Variants in SH3BGRL2 observed in about 807,000 individuals in gnomAD.
SH3BGRL2 encodes the protein SH3 domain-binding glutamic acid-rich-like protein 2.
A neutral mutation model predicts 14.8 loss-of-function variants in SH3BGRL2; 21 were observed. The observed-to-expected ratio is 1.42, with a 90% CI of 1.01 to 2.05. The LOEUF (loss-of-function observed/expected upper bound fraction) is 2.05. SH3BGRL2 is among the 30% of genes most tolerant of loss of function. SH3BGRL2 has a pLI of 0.00. For missense variants in SH3BGRL2, 147 were observed against 130.8 expected, an observed-to-expected ratio of 1.12 and a Z score of -0.61; for synonymous variants, 50 against 47.8, an observed-to-expected ratio of 1.05 and a Z score of -0.19.
the SH3BGRL2 span, among the ~76,000 whole-genome samples, chr6:79,588,551 A>G: frequency 2.6e-5 from 4 of 152,232 alleles, no homozygotes; most frequent in South Asian, 2.1e-4. Flanking sequence ...CTGCTTCTCA[A>G]TTGCCTTCAG....
intron 1 of SH3BGRL2, among the ~76,000 whole-genome samples, chr6:79,636,506 TGTG>T (rs1768925511): frequency 2.6e-5 from 4 of 151,868 alleles, no homozygotes. Context: ...AAGGAGAGGA[TGTG>T]GTGGTGATGG....
intron 2 of SH3BGRL2, among the ~76,000 whole-genome samples, chr6:79,683,107 T>TG (rs1411076878): frequency 6.6e-6 from 1 of 152,040 alleles, no homozygotes; most frequent in Non-Finnish European, 1.5e-5. Context: ...AAATGATGAG[T>TG]TGATGGGTAC....
At chr6:79,677,798 C>A (rs1428786477) in intron 2 of SH3BGRL2, among the ~76,000 whole-genome samples, 2 of 152,108 alleles carry the variant, frequency 1.3e-5, no homozygotes, top group East Asian at 3.9e-4. Context: ...TTGTTGATTC[C>A]CTGGAGTGGA....
chr6:79,541,199 G>A, the SH3BGRL2 span, among the ~76,000 whole-genome samples: 1 of 152,090 alleles, frequency 6.6e-6, no homozygotes, highest in African/African-American at 2.4e-5. Flanking sequence ...GTTGCAGTGA[G>A]CTGAGATCAC....
chr6:79,657,474 G>A (rs1174758194), intron 1 of SH3BGRL2, among the ~76,000 whole-genome samples: 1 of 152,198 alleles, frequency 6.6e-6, no homozygotes, highest in East Asian at 1.9e-4. Context: ...TGGTGGAGGA[G>A]TTGTAGGGAG....
intron 2 of SH3BGRL2, among the ~76,000 whole-genome samples, chr6:79,674,005 A>G (rs993664550): frequency 6.6e-6 from 1 of 152,020 alleles, no homozygotes; most frequent in African/African-American, 2.4e-5. Context: ...GTTGTGTGGT[A>G]TGTGAATGTA....
chr6:79,542,128 C>T, the SH3BGRL2 span, among the ~76,000 whole-genome samples: 1 of 152,194 alleles, frequency 6.6e-6, no homozygotes, highest in East Asian at 1.9e-4. Flanking sequence ...CCTCTTCTCT[C>T]CAGGACCCAG....
the SH3BGRL2 span, among the ~76,000 whole-genome samples, chr6:79,580,813 G>A: frequency 1.3e-5 from 2 of 152,078 alleles, no homozygotes; most frequent in African/African-American, 2.4e-5. Flanking sequence ...AAGAGACAGA[G>A]ACACAAAAAA....
At chr6:79,662,542 C>T (rs1218764869) in intron 1 of SH3BGRL2, among the ~76,000 whole-genome samples, 2 of 152,116 alleles carry the variant, frequency 1.3e-5, no homozygotes, top group African/African-American at 4.8e-5. Context: ...CTTCCCTTTG[C>T]AGGTAACCCG....
At chr6:79,647,113 C>G (rs1769159666) in intron 1 of SH3BGRL2, among the ~76,000 whole-genome samples, 1 of 152,164 alleles carries the variant, frequency 6.6e-6, no homozygotes, top group Non-Finnish European at 1.5e-5. Flanking sequence ...TGAGGAACTG[C>G]CAAACTGTTT....
chr6:79,579,368 T>C, the SH3BGRL2 span, among the ~76,000 whole-genome samples: 1 of 151,980 alleles, frequency 6.6e-6, no homozygotes, highest in Non-Finnish European at 1.5e-5. Context: ...AAGGTTGAAA[T>C]GAAGGAAAAA....
At chr6:79,546,609 G>C in the SH3BGRL2 span, among the ~76,000 whole-genome samples, 2 of 152,096 alleles carry the variant, frequency 1.3e-5, no homozygotes, top group Non-Finnish European at 1.5e-5. Context: ...AGAGTAGGAA[G>C]TACAAGAAAA....
At chr6:79,616,293 C>T in the SH3BGRL2 span, among the ~76,000 whole-genome samples, 83,424 of 152,040 alleles carry the variant, frequency 0.55, 23,207 homozygotes, top group East Asian at 0.78. Flanking sequence ...CAAGAAGAAA[C>T]AGGAACCCAT....
At chr6:79,609,530 C>G in the SH3BGRL2 span, among the ~76,000 whole-genome samples, 1 of 152,156 alleles carries the variant, frequency 6.6e-6, no homozygotes, top group African/African-American at 2.4e-5. Context: ...ATGTGTCTGT[C>G]TGGCCTCATC....
In SH3BGRL2 at chr6:79,674,856, T is replaced by C. The variant is rs185542574; in HGVS notation, c.231+1057T>C. 8.3e-4 allele frequency among the ~76,000 whole-genome samples: 127 copies of C among 152,326 alleles called. 1 individual carries two copies. In the Middle Eastern group the frequency reaches 0.041, roughly 49 times the overall value. On this transcript the variant is annotated intron_variant, in intron 2 of 3. Transcript: ENST00000369838. Reference sequence around the variant, plus strand: ...ACACCTTTGGAAAGTTACTTATCTTTTTAAGCCCCAGTTTTCTTATCTTTA... The same window carrying C: ...ACACCTTTGGAAAGTTACTTATCTTCTTAAGCCCCAGTTTTCTTATCTTTA...
chr6:79,673,546 A>T (rs1196254604), intron 1 of SH3BGRL2, 68 bp from the exon 2 acceptor site: 1 of 1,465,936 alleles, frequency 6.8e-7, no homozygotes, highest in Admixed American at 1.9e-5. Flanking sequence ...AATCTAGTTC[A>T]GTTTGGAAGT....
chr6:79,589,890 A>G, the SH3BGRL2 span, among the ~76,000 whole-genome samples: 10 of 151,944 alleles, frequency 6.6e-5, no homozygotes, highest in South Asian at 2.1e-4. Context: ...TTCCACCTCA[A>G]CCTTCCAAGT....
intron 1 of SH3BGRL2, among the ~76,000 whole-genome samples, chr6:79,671,255 T>C (rs1171506769): frequency 1.3e-5 from 2 of 152,074 alleles, no homozygotes; most frequent in Non-Finnish European, 2.9e-5. Flanking sequence ...TCACCTGAGG[T>C]CGGGAGTTCG....
At chr6:79,578,963 T>C in the SH3BGRL2 span, among the ~76,000 whole-genome samples, 8 of 152,168 alleles carry the variant, frequency 5.3e-5, no homozygotes, top group African/African-American at 1.7e-4. Context: ...TTAAATGACC[T>C]GATGGAGCTG....
Sources: gnomAD v4.1 joint callset for allele counts (sites outside exome capture counted in the v4.1 genomes callset) on GRCh38, gnomAD v4.1.1 for gene constraint, MANE v1.5 for transcripts, NCBI Gene and HGNC (gene_info 2026-07-23, HGNC 2026-07-21) for gene names.